Variants in PDCL observed in about 807,000 individuals in gnomAD.
PDCL encodes the protein phosducin like, also known as phosducin-like protein.
A neutral mutation model predicts 26.7 loss-of-function variants in PDCL; 11 were observed. The ratio of observed to expected loss-of-function variants is 0.41; its 90% CI spans 0.26 to 0.68. The LOEUF is 0.68. Ranked by LOEUF, PDCL falls within the 30% of genes least tolerant of loss-of-function variation. PDCL has a pLI of 0.30. For synonymous variants in PDCL, 118 were observed against 134.9 expected (o/e 0.87, Z 0.87); for missense variants, 330 against 371.6 (o/e 0.89, Z 0.92).
At chr9:122,823,786 T>G (rs1182149186) in intron 2 of PDCL, among the ~76,000 whole-genome samples, 2 of 151,752 alleles carry the variant, frequency 1.3e-5, no homozygotes, top group Admixed American at 6.6e-5. Context: ...TTTTTTTTTT[T>G]TGAGATTGAG....
chr9:122,822,799 A>C (rs1287766713), intron 3 of PDCL, among the ~76,000 whole-genome samples: 1 of 152,192 alleles, frequency 6.6e-6, no homozygotes, highest in Non-Finnish European at 1.5e-5. Context: ...AACCATTGAA[A>C]CACCAGATTC....
At chr9:122,827,943 G>A (rs1213229625) in intron 1 of PDCL, among the ~76,000 whole-genome samples, 1 of 152,024 alleles carries the variant, frequency 6.6e-6, no homozygotes, top group Non-Finnish European at 1.5e-5. Flanking sequence ...TGAACGTAGG[G>A]ACCTCTAGTC....
At position 122,823,138 on chromosome 9, in the gene PDCL, C is replaced by G. The variant is rs775903104; in HGVS notation, c.232G>C (p.Glu78Gln). 6.8e-6 allele frequency: 11 copies of G among 1,614,164 alleles called. No homozygotes were observed. ...CTTTCCATCTCCCGGCACTGCTCCTCCCTCTGCTCTGTCTCCAACTGCTTG... is the reference window on the plus strand; with the variant it reads ...CTTTCCATCTCCCGGCACTGCTCCTGCCTCTGCTCTGTCTCCAACTGCTTG... ...RFKQLETEQR[E>Q]EQCREMERLI... Residue 78 changes from glutamate to glutamine, a missense_variant, in exon 3 of 4, where the codon GAG (glutamate) becomes CAG (glutamine). Coordinates refer to ENST00000259467, the MANE Select transcript of PDCL (RefSeq NM_005388.5).
chr9:122,826,858 AG>A (rs1307988836), intron 1 of PDCL, 66 bp from the exon 2 acceptor site: 9 of 1,480,648 alleles, frequency 6.1e-6, no homozygotes, highest in Middle Eastern at 1.7e-4. Context: ...TCTGAAGCAT[AG>A]GGGGCTCGCC....
intron 3 of PDCL, among the ~76,000 whole-genome samples, chr9:122,822,626 G>A (rs1588035247): frequency 6.6e-6 from 1 of 152,116 alleles, no homozygotes; most frequent in Non-Finnish European, 1.5e-5. Flanking sequence ...TCCATTATCT[G>A]TAAGAAGGGG....
intron 1 of PDCL, 69 bp from the exon 2 acceptor site, chr9:122,826,861 G>A: frequency 5.6e-6 from 8 of 1,419,114 alleles, no homozygotes; most frequent in Non-Finnish European, 7.9e-6. Flanking sequence ...GAAGCATAGG[G>A]GGCTCGCCTG....
At chr9:122,823,325 C>T in intron 2 of PDCL, 128 bp from the exon 3 acceptor site, 1 of 855,984 alleles carries the variant, frequency 1.2e-6, no homozygotes, top group Non-Finnish European at 1.9e-6. Context: ...ATCATAGGGA[C>T]TCTGTGTACT....
intron 2 of PDCL, among the ~76,000 whole-genome samples, chr9:122,826,098 C>CAAAA (rs991136281): frequency 6.6e-6 from 1 of 151,486 alleles, no homozygotes; most frequent in East Asian, 1.9e-4. Context: ...TCTTAAAAAA[C>CAAAA]AAAAAAACAA....
At position 122,823,121 on chromosome 9, in the gene PDCL, C is replaced by T; in HGVS notation, c.249G>A (p.Glu83=). The T allele has an allele frequency of 6.2e-7, 1 of 1,614,156 alleles. No homozygotes were observed. The highest frequency in any genetic ancestry group is 1.1e-5 in the South Asian group (1 of 91,080). ...ETEQREEQCR[E]MERLIKKLSM... is the part of the protein sequence containing the mutation. ...ACAGCTTCTTGATCAGCCTTTCCAT[C>T]TCCCGGCACTGCTCCTCCCTCTGCT... Residue 83 remains glutamate, a synonymous_variant, in exon 3 of 4, where the codon GAG becomes GAA. Coordinates refer to ENST00000259467, the MANE Select transcript of PDCL (RefSeq NM_005388.5).
At position 122,826,794 on chromosome 9, in the gene PDCL, T is replaced by C. The variant is rs1333186523; in HGVS notation, c.-5-2A>G. ...TATCATCAAGGGTGGTCATGGTGTC[T>C]GGAAAAAGAAAGCATATCAGGTTCT... On this transcript the variant is annotated splice_acceptor_variant, in intron 1 of 3. Coordinates refer to ENST00000259467, the MANE Select transcript of PDCL (RefSeq NM_005388.5). LOFTEE classifies it low-confidence loss of function (5UTR_SPLICE). 1 of 1,613,422 alleles carries C rather than the reference T, an allele frequency of 6.2e-7. No individual in the cohort carries two copies. Among genetic ancestry groups the C allele is most frequent in the Non-Finnish European group, 8.5e-7 (1 of 1,179,660 alleles).
chr9:122,824,205 G>T (rs1200975581), intron 2 of PDCL, among the ~76,000 whole-genome samples: 2 of 152,174 alleles, frequency 1.3e-5, no homozygotes, highest in African/African-American at 4.8e-5. Context: ...TATGTGACTT[G>T]TGGTACCTCC....
intron 3 of PDCL, 113 bp downstream of exon 3, chr9:122,822,903 T>C: frequency 1.1e-6 from 1 of 931,848 alleles, no homozygotes; most frequent in South Asian, 1.5e-5. Flanking sequence ...TGATTTCTCC[T>C]GCACTGCACA....
chr9:122,824,433 C>G (rs563197690), intron 2 of PDCL, among the ~76,000 whole-genome samples: 1 of 152,190 alleles, frequency 6.6e-6, no homozygotes, highest in Admixed American at 6.5e-5. Context: ...CACAGCCAAA[C>G]TGAGGCTGTT....
At chr9:122,821,024 T>C (rs1829548619) in intron 3 of PDCL, among the ~76,000 whole-genome samples, 2 of 151,670 alleles carry the variant, frequency 1.3e-5, no homozygotes, top group African/African-American at 4.8e-5. Context: ...AATAAAACAG[T>C]TAACATGTAC....
intron 2 of PDCL, among the ~76,000 whole-genome samples, chr9:122,823,615 T>C (rs985975116): frequency 1.3e-5 from 2 of 152,240 alleles, no homozygotes; most frequent in Non-Finnish European, 2.9e-5. Flanking sequence ...TACATAGATA[T>C]GCATACATGT....
At chr9:122,823,561 T>C (rs1160271944) in intron 2 of PDCL, among the ~76,000 whole-genome samples, 1 of 152,202 alleles carries the variant, frequency 6.6e-6, no homozygotes, top group African/African-American at 2.4e-5. Context: ...TACAATCCTC[T>C]AGTTTCTATT....
In PDCL at chr9:122,820,583, A is replaced by G. The variant is rs778634764; in HGVS notation, c.408T>C (p.Phe136=). The change falls in exon 4 of 4, where the codon TTT becomes TTC. Residue 136 remains phenylalanine (F), a synonymous_variant. Coordinates refer to ENST00000259467, the MANE Select transcript of PDCL (RefSeq NM_005388.5). The part of the protein sequence containing the change: ...IMNEDQDDEE[F]LQQYRKQRME... ...TTCGCTGCTTCCGGTACTGCTGCAG[A>G]AACTCTTCATCATCTTGGTCCTCAT... The G allele has an allele frequency of 1.2e-6, 2 of 1,613,850 alleles. No homozygotes were observed. Among genetic ancestry groups the G allele is most frequent in the Admixed American group, 3.3e-5 (2 of 59,956 alleles).
At chr9:122,824,817 C>G (rs1829602632) in intron 2 of PDCL, among the ~76,000 whole-genome samples, 1 of 152,062 alleles carries the variant, frequency 6.6e-6, no homozygotes, top group South Asian at 2.1e-4. Flanking sequence ...AAAAATAAAG[C>G]AAAAGTTAAT....
chr9:122,826,763 G>A lies in PDCL; in HGVS notation c.25C>T (p.Leu9=), dbSNP rs1408375277. The change falls in exon 2 of 4, where the codon CTG becomes TTG. Residue 9 remains leucine (L), a synonymous_variant. Coordinates refer to ENST00000259467, the MANE Select transcript of PDCL (RefSeq NM_005388.5). MTTLDDKL[L]GEKLQYYYSS... ...TAGTAGTACTGCAGTTTCTCCCCCA[G>A]CAACTTATCATCAAGGGTGGTCATG... The A allele has an allele frequency of 1.9e-6, 3 of 1,614,008 alleles. No individual in the cohort carries two copies. Among genetic ancestry groups the A allele is most frequent in the African/African-American group, 1.3e-5 (1 of 75,008 alleles).
Sources: gnomAD v4.1 joint callset for allele counts (sites outside exome capture counted in the v4.1 genomes callset) on GRCh38, gnomAD v4.1.1 for gene constraint, MANE v1.5 for transcripts, NCBI Gene and HGNC (gene_info 2026-07-23, HGNC 2026-07-21) for gene names.